The following DHRS7B variants were observed in gnomAD, a reference collection of about 807,000 sequenced individuals.
The protein encoded by DHRS7B is dehydrogenase/reductase 7B.
A neutral mutation model predicts 26.4 loss-of-function variants in DHRS7B; 24 were observed. The observed-to-expected ratio is 0.91, with a 90% CI of 0.66 to 1.28. The LOEUF is 1.28. Ranked by LOEUF, DHRS7B falls within the 50% of genes most tolerant of loss-of-function variation. The pLI is 0.00. For synonymous variants in DHRS7B, 142 were observed against 166.4 expected, an observed-to-expected ratio of 0.85 and a Z score of 1.13; for missense variants, 368 against 419.4, an observed-to-expected ratio of 0.88 and a Z score of 1.07.
intron 2 of DHRS7B, among the ~76,000 whole-genome samples, chr17:21,175,979 T>C (rs1211669971): frequency 6.6e-6 from 1 of 151,720 alleles, no homozygotes; most frequent in African/African-American, 2.4e-5. Context: ...CATCATCAGT[T>C]TTTAGAACAT....
chr17:21,187,441 T>C (rs375984035), intron 5 of DHRS7B, among the ~76,000 whole-genome samples: 43 of 151,650 alleles, frequency 2.8e-4, no homozygotes, highest in African/African-American at 1.0e-3. Flanking sequence ...CTGGCTAACA[T>C]AGTGAAACCC....
chr17:21,162,590 G>C (rs1597744973), intron 1 of DHRS7B, among the ~76,000 whole-genome samples: 4 of 152,296 alleles, frequency 2.6e-5, no homozygotes, highest in Middle Eastern at 6.8e-3. Context: ...TGGCAGTGAA[G>C]GGAAATCATT....
At chr17:21,184,317 G>A (rs1308772237) in intron 4 of DHRS7B, 54 bp from the exon 5 acceptor site, 94 of 1,487,126 alleles carry the variant, frequency 6.3e-5, no homozygotes, top group Non-Finnish European at 8.2e-5. Flanking sequence ...CATCAGCATC[G>A]GGTGCAATGA....
In DHRS7B at chr17:21,191,300, T is replaced by G; in HGVS notation, c.*147T>G. Reference sequence around the variant, plus strand: ...AGAAACACATCTCGTGCAGATCTGCTGGCAGAGGACAATCAAAAACGACAA... The same window carrying G: ...AGAAACACATCTCGTGCAGATCTGCGGGCAGAGGACAATCAAAAACGACAA... On this transcript the variant is annotated 3_prime_UTR_variant, in exon 7 of 7. Transcript: ENST00000395511. 1 of 798,134 alleles carries G rather than the reference T, an allele frequency of 1.3e-6. No homozygotes were observed. 49.4% of individuals were successfully genotyped at this position (798,134 alleles called of 1,614,324 possible). A position where few individuals can be genotyped will look rare whatever the true frequency, so the allele number is the denominator to read the frequency against.
chr17:21,172,759 C>T (rs1974288873), intron 2 of DHRS7B, among the ~76,000 whole-genome samples: 1 of 152,160 alleles, frequency 6.6e-6, no homozygotes. Flanking sequence ...GTTCCAGGGT[C>T]TCCAATCTAG....
chr17:21,140,479 TACACACACACACACACACACACAC>T (rs4020775), intron 1 of DHRS7B, among the ~76,000 whole-genome samples: 41 of 83,690 alleles, frequency 4.9e-4, no homozygotes, highest in South Asian at 3.7e-3. Context: ...GCCTTTTAAA[TACACACACACACACACACACACAC>T]ACACACACAC....
Position 21,141,640 on chromosome 17 carries a change from A to AAAAAAAAAAAAAG in DHRS7B, c.20+14649_20+14650insAAAAAAAAAAAAG. ...AAAGCAAAAAAAAAAAAAAAAAAAAACAACCTCATCTCAAACTCCACAAAG... is the reference window on the plus strand; with the variant it reads ...AAAGCAAAAAAAAAAAAAAAAAAAAAAAAAAAAAAAAAGCAACCTCATCTCAAACTCCACAAAG... On this transcript the variant is annotated intron_variant, in intron 1 of 6. Transcript: ENST00000395511. 3.4e-3 allele frequency among the ~76,000 whole-genome samples: 303 copies of AAAAAAAAAAAAAG among 90,066 alleles called. 34 individuals carry two copies. Among genetic ancestry groups the AAAAAAAAAAAAAG allele is most frequent in the African/African-American group, 3.9e-3 (92 of 23,422 alleles). 59.1% of individuals were successfully genotyped at this position (90,066 alleles called of 152,430 possible).
At chr17:21,187,633 CA>C (rs370213730) in intron 5 of DHRS7B, among the ~76,000 whole-genome samples, 13,022 of 99,424 alleles carry the variant, frequency 0.13, 1,097 homozygotes, top group African/African-American at 0.37. Flanking sequence ...GACTCTGTCT[CA>C]AAAAAAAAAA....
chr17:21,144,708 C>T (rs777694686), intron 1 of DHRS7B, among the ~76,000 whole-genome samples: 16 of 152,184 alleles, frequency 1.1e-4, no homozygotes, highest in Non-Finnish European at 2.4e-4. Context: ...ATCCCAGCTA[C>T]GTGGGAAGCT....
intron 1 of DHRS7B, among the ~76,000 whole-genome samples, chr17:21,144,271 G>T (rs552502009): frequency 6.6e-6 from 1 of 152,274 alleles, no homozygotes; most frequent in South Asian, 2.1e-4. Flanking sequence ...AGAGATGCAG[G>T]TAGAATGAGA....
intron 1 of DHRS7B, among the ~76,000 whole-genome samples, chr17:21,146,951 C>G (rs959297528): frequency 1.3e-5 from 2 of 152,112 alleles, no homozygotes; most frequent in Non-Finnish European, 2.9e-5. Flanking sequence ...TTTTATTTAA[C>G]TTGGCAAATA....
At position 21,147,220 on chromosome 17, in the gene DHRS7B, G is replaced by A. The variant is rs150447153; in HGVS notation, c.20+20229G>A. ...CCAGTGATCTCAGGACATTTTAAAC[G>A]CTGCCACTGTTGTAGGCCAAAACCA... On this transcript the variant is annotated intron_variant, in intron 1 of 6. Transcript: ENST00000395511. Among the ~76,000 whole-genome samples, 456 of 152,218 alleles carry A rather than the reference G, an allele frequency of 3.0e-3. 2 individuals carry two copies. The highest frequency in any genetic ancestry group is 0.01 in the African/African-American group (428 of 41,538).
intron 1 of DHRS7B, among the ~76,000 whole-genome samples, chr17:21,164,030 C>CCTTTTTTTTTTTT (rs1974054987): frequency 1.0e-5 from 1 of 96,976 alleles, no homozygotes. Context: ...AATTGTTGTG[C>CCTTTTTTTTTTTT]TTTTTTTTTT....
chr17:21,190,294 A>C (rs1198061679), intron 6 of DHRS7B, among the ~76,000 whole-genome samples: 2 of 152,184 alleles, frequency 1.3e-5, no homozygotes, highest in Non-Finnish European at 2.9e-5. Flanking sequence ...GTTGCCGTTA[A>C]TCTAACACTG....
At chr17:21,186,168 T>C (rs1481501802) in intron 5 of DHRS7B, among the ~76,000 whole-genome samples, 1 of 152,212 alleles carries the variant, frequency 6.6e-6, no homozygotes, top group Non-Finnish European at 1.5e-5. Flanking sequence ...CTCAGATAAG[T>C]AGTGGCCTTC....
chr17:21,169,947 C>T (rs1170918994), intron 1 of DHRS7B, among the ~76,000 whole-genome samples: 2 of 152,088 alleles, frequency 1.3e-5, no homozygotes, highest in Non-Finnish European at 2.9e-5. Flanking sequence ...TGGTCCTACC[C>T]TGAGACCTAC....
rs142286590 is a variant in DHRS7B, at chr17:21,140,850, T to A, written c.20+13859T>A. On this transcript the variant is annotated intron_variant, in intron 1 of 6. Transcript: ENST00000395511. ...CCTATGGAATGCTCAAAAGGGGTCA[T>A]TCTCCTTTTCTCCTCATTCTTCGAT... 1.9e-3 allele frequency among the ~76,000 whole-genome samples: 290 copies of A among 152,238 alleles called. 3 individuals carry two copies. Among genetic ancestry groups the A allele is most frequent in the African/African-American group, 6.5e-3 (271 of 41,558 alleles).
intron 1 of DHRS7B, chr17:21,171,666 G>A: frequency 2.6e-6 from 1 of 390,454 alleles, no homozygotes; most frequent in South Asian, 2.5e-5. Context: ...CTTGAGGTAA[G>A]GCCAACACAG....
At chr17:21,157,640 G>A (rs778112806) in intron 1 of DHRS7B, among the ~76,000 whole-genome samples, 9 of 152,206 alleles carry the variant, frequency 5.9e-5, no homozygotes, top group Non-Finnish European at 1.2e-4. Context: ...GGTGCAGTGA[G>A]TTGTGATCAT....
Sources: gnomAD v4.1 joint callset for allele counts (sites outside exome capture counted in the v4.1 genomes callset) on GRCh38, gnomAD v4.1.1 for gene constraint, MANE v1.5 for transcripts, NCBI Gene and HGNC (gene_info 2026-07-23, HGNC 2026-07-21) for gene names.